Variants in RHPN2 observed in about 807,000 individuals in gnomAD.
The protein encoded by RHPN2 is rhophilin Rho GTPase binding protein 2.
Under a neutral mutation model 79.0 loss-of-function variants are expected in RHPN2, and 40 were observed. That is an observed-to-expected ratio of 0.51 (90% CI 0.39 to 0.66). RHPN2 has a LOEUF of 0.66. Among genes scored for constraint, RHPN2 ranks in the 30% least tolerant of loss-of-function variants. The pLI is 0.00. For synonymous variants in RHPN2, 285 were observed against 363.5 expected, an observed-to-expected ratio of 0.78 and a Z score of 2.46; for missense variants, 686 against 883.5, an observed-to-expected ratio of 0.78 and a Z score of 2.83.
chr19:33,052,050 G>A (rs946281855), intron 1 of RHPN2, among the ~76,000 whole-genome samples: 34 of 151,146 alleles, frequency 2.2e-4, no homozygotes, highest in Non-Finnish European at 4.1e-4. Flanking sequence ...AAAACTGACC[G>A]TGCTGGCACC....
At chr19:33,014,440 G>A (rs777169251) in intron 4 of RHPN2, among the ~76,000 whole-genome samples, 14 of 151,946 alleles carry the variant, frequency 9.2e-5, no homozygotes, top group Non-Finnish European at 1.9e-4. Context: ...CCAGGAGAGG[G>A]GACTATAGGT....
chr19:33,049,517 G>T (rs1418794348), intron 1 of RHPN2, among the ~76,000 whole-genome samples: 1 of 152,194 alleles, frequency 6.6e-6, no homozygotes, highest in East Asian at 1.9e-4. Context: ...GGGGCCAACT[G>T]AGCTGTCCTG....
intron 9 of RHPN2, among the ~76,000 whole-genome samples, 172 bp from the exon 10 acceptor site, chr19:32,999,877 G>A (rs1209203647): frequency 6.6e-6 from 1 of 152,020 alleles, no homozygotes; most frequent in Non-Finnish European, 1.5e-5. Context: ...AACCCTCAAG[G>A]TTTTCTTTTC....
At chr19:33,025,841 T>A (rs1264752467) in intron 3 of RHPN2, among the ~76,000 whole-genome samples, 2 of 152,204 alleles carry the variant, frequency 1.3e-5, no homozygotes, top group Non-Finnish European at 2.9e-5. Context: ...TAATAACATA[T>A]CTTGCTAATG....
At chr19:33,036,363 G>A (rs796293559) in intron 2 of RHPN2, among the ~76,000 whole-genome samples, 6 of 152,050 alleles carry the variant, frequency 3.9e-5, no homozygotes, top group African/African-American at 1.4e-4. Context: ...AAAATTAGCT[G>A]GGAATGGTGG....
At chr19:33,002,737 G>A (rs1450356666) in intron 8 of RHPN2, 76 bp downstream of exon 8, 10 of 1,525,668 alleles carry the variant, frequency 6.6e-6, no homozygotes, top group Non-Finnish European at 9.1e-6. Flanking sequence ...CCATGGGAAG[G>A]CCCCGCTACT....
At chr19:33,002,505 T>G in intron 8 of RHPN2, 102 bp from the exon 9 acceptor site, 2 of 1,409,834 alleles carry the variant, frequency 1.4e-6, no homozygotes, top group Non-Finnish European at 2.0e-6. Context: ...CAACAGCCCC[T>G]GCCAGGGGCT....
At chr19:33,064,058 CGCCG>C (rs1411372738) in intron 1 of RHPN2, among the ~76,000 whole-genome samples, 1 of 152,104 alleles carries the variant, frequency 6.6e-6, no homozygotes, top group African/African-American at 2.4e-5. Context: ...AAAAAGAGAC[CGCCG>C]GCCGGGCGCA....
chr19:32,984,275 C>T (rs780385262), intron 14 of RHPN2, among the ~76,000 whole-genome samples: 9 of 152,282 alleles, frequency 5.9e-5, no homozygotes, highest in Non-Finnish European at 1.2e-4. Context: ...TTGAAAGGCT[C>T]AGTCGCTAAA....
chr19:33,009,072 G>A (rs529405538), intron 6 of RHPN2, among the ~76,000 whole-genome samples: 1 of 149,504 alleles, frequency 6.7e-6, no homozygotes, highest in African/African-American at 2.4e-5. Context: ...AAACCCTGGA[G>A]ACAGAAGAAA....
rs1473507233 is a variant in RHPN2 at position 32,979,462 on chromosome 19, C to T, written c.*534G>A. 1 of 153,266 alleles carries T rather than the reference C, an allele frequency of 6.5e-6. No individual in the cohort carries two copies. Among genetic ancestry groups the T allele is most frequent in the Non-Finnish European group, 1.5e-5 (1 of 68,540 alleles). The allele number at this position is 153,266 out of a possible 1,614,324, so 9.5% of individuals were successfully genotyped here. On this transcript the variant is annotated 3_prime_UTR_variant, in exon 15 of 15. Coordinates refer to ENST00000254260, the MANE Select transcript of RHPN2 (RefSeq NM_033103.5). ...TTTTTCTAGAAATAGCATTCATAGT[C>T]TATCGATATAATAGTAACATCTTGT...
intron 12 of RHPN2, among the ~76,000 whole-genome samples, chr19:32,993,521 G>A (rs1971677472): frequency 6.6e-6 from 1 of 151,908 alleles, no homozygotes; most frequent in African/African-American, 2.4e-5. Context: ...ATATGCTATG[G>A]TCTGAATGTT....
chr19:33,053,316 CCCA>C (rs765858517), intron 1 of RHPN2, among the ~76,000 whole-genome samples: 2 of 151,828 alleles, frequency 1.3e-5, no homozygotes, highest in Non-Finnish European at 2.9e-5. Context: ...TACTGTGCCT[CCCA>C]CCACATCAAA....
In RHPN2 at chr19:32,988,648, C is replaced by G. The variant is rs528263520; in HGVS notation, c.1800+1866G>C. On this transcript the variant is annotated intron_variant, in intron 14 of 14. Coordinates refer to ENST00000254260, the MANE Select transcript of RHPN2 (RefSeq NM_033103.5). Reference sequence around the variant, plus strand: ...CCTGGTGCTCTTGCCAAAAGGCCTTCTTTTTGCCTCTCCGGTAGGAGAAGC... The same window carrying G: ...CCTGGTGCTCTTGCCAAAAGGCCTTGTTTTTGCCTCTCCGGTAGGAGAAGC... 8.6e-5 allele frequency among the ~76,000 whole-genome samples: 13 copies of G among 152,038 alleles called. No individual in the cohort carries two copies. In the East Asian group the frequency reaches 2.5e-3, roughly 29 times the overall value.
intron 1 of RHPN2, among the ~76,000 whole-genome samples, chr19:33,053,798 C>T (rs1972209280): frequency 6.6e-6 from 1 of 151,878 alleles, no homozygotes; most frequent in Non-Finnish European, 1.5e-5. Flanking sequence ...CTCCTAAGAC[C>T]TCAGGTGATC....
chr19:33,026,684 C>T (rs747543571), intron 2 of RHPN2, 52 bp from the exon 3 acceptor site: 1 of 1,582,126 alleles, frequency 6.3e-7, no homozygotes, highest in East Asian at 2.3e-5. Context: ...ATCCTGGCTT[C>T]TAGGTGAGCA....
chr19:33,055,833 A>G (rs1045153345), intron 1 of RHPN2, among the ~76,000 whole-genome samples: 2 of 151,984 alleles, frequency 1.3e-5, no homozygotes, highest in South Asian at 4.1e-4. Context: ...CCAGGACACA[A>G]TGAACCCGGA....
At chr19:33,039,706 C>T (rs570596221) in intron 2 of RHPN2, among the ~76,000 whole-genome samples, 6 of 151,954 alleles carry the variant, frequency 3.9e-5, no homozygotes, top group African/African-American at 1.2e-4. Flanking sequence ...GGTATGATGG[C>T]GCATGCTTGT....
chr19:32,983,399 T>C lies in RHPN2; in HGVS notation c.1801-3143A>G, dbSNP rs978657388. Among the ~76,000 whole-genome samples, 13 of 151,744 alleles carry C rather than the reference T, an allele frequency of 8.6e-5. No individual in the cohort carries two copies. The East Asian group carries it at 1.4e-3, about 16-fold the overall frequency. Reference sequence around the variant, plus strand: ...TGGTGGCGGGCACCTGTAGTCCCAGTTACTTGGGAGGCTGAGGCAGGAGAA... The same window carrying C: ...TGGTGGCGGGCACCTGTAGTCCCAGCTACTTGGGAGGCTGAGGCAGGAGAA... On this transcript the variant is annotated intron_variant, in intron 14 of 14. Coordinates refer to ENST00000254260, the MANE Select transcript of RHPN2 (RefSeq NM_033103.5).
Sources: gnomAD v4.1 joint callset for allele counts (sites outside exome capture counted in the v4.1 genomes callset) on GRCh38, gnomAD v4.1.1 for gene constraint, MANE v1.5 for transcripts, NCBI Gene and HGNC (gene_info 2026-07-23, HGNC 2026-07-21) for gene names.